The following BDKRB2 variants were observed in gnomAD, a reference collection of about 807,000 sequenced individuals.
The protein encoded by BDKRB2 is B2 bradykinin receptor.
BDKRB2 carries 6 observed loss-of-function variants against 4.0 expected under a neutral mutation model. The observed-to-expected ratio is 1.49, with a 90% CI of 0.81 to 2.93. The LOEUF (loss-of-function observed/expected upper bound fraction) is 2.93. Among genes scored for constraint, BDKRB2 ranks in the 30% most tolerant of loss-of-function variants. BDKRB2 has a pLI of 0.00. For synonymous variants in BDKRB2, 225 were observed against 215.3 expected (o/e 1.05, Z -0.40); for missense variants, 478 against 520.1 (o/e 0.92, Z 0.79).
chr14:96,211,129 G>C (rs1482778300), intron 1 of BDKRB2: 1 of 152,214 alleles, frequency 6.6e-6, no homozygotes, highest in Non-Finnish European at 1.5e-5. Context: ...AAACATTTCG[G>C]GAAGCATCAG....
chr14:96,220,263 G>A (rs1050779894), intron 1 of BDKRB2, among the ~76,000 whole-genome samples: 1 of 151,816 alleles, frequency 6.6e-6, no homozygotes, highest in Admixed American at 6.6e-5. Context: ...AATGCCGGGG[G>A]TATTTATTTT....
chr14:96,224,504 A>G (rs753616080), intron 1 of BDKRB2, among the ~76,000 whole-genome samples: 7 of 152,212 alleles, frequency 4.6e-5, no homozygotes, highest in Non-Finnish European at 8.8e-5. Context: ...CACTTTGCAC[A>G]TTGTCACGGT....
intron 1 of BDKRB2, among the ~76,000 whole-genome samples, chr14:96,225,348 C>T (rs1890669935): frequency 6.6e-6 from 1 of 152,128 alleles, no homozygotes; most frequent in Non-Finnish European, 1.5e-5. Context: ...GCTATAGAGT[C>T]TCAGACTAGG....
At chr14:96,236,769 C>T (rs1890943926) in intron 1 of BDKRB2, among the ~76,000 whole-genome samples, 1 of 152,230 alleles carries the variant, frequency 6.6e-6, no homozygotes, top group African/African-American at 2.4e-5. Flanking sequence ...CAATAATCCA[C>T]TCGCCCTCAC....
At chr14:96,234,873 T>G (rs1890896564) in intron 1 of BDKRB2, among the ~76,000 whole-genome samples, 1 of 152,160 alleles carries the variant, frequency 6.6e-6, no homozygotes, top group South Asian at 2.1e-4. Flanking sequence ...AGGACCTGAC[T>G]TATCTGTGCG....
intron 1 of BDKRB2, among the ~76,000 whole-genome samples, chr14:96,218,622 A>G (rs4905467): frequency 0.29 from 44,787 of 152,156 alleles, 6,802 homozygotes; most frequent in South Asian, 0.44. Flanking sequence ...ATAAGGACAT[A>G]AAAACCCATC....
intron 2 of BDKRB2, chr14:96,237,573 C>G (rs1890965675): frequency 8.9e-7 from 1 of 1,119,414 alleles, no homozygotes; most frequent in Non-Finnish European, 1.1e-6. Context: ...GAGATCAGAA[C>G]ACCCTAAAGA....
At position 96,224,147 on chromosome 14, in the gene BDKRB2, G is replaced by T. The variant is rs569240739; in HGVS notation, c.-39-12922G>T. On this transcript the variant is annotated intron_variant, in intron 1 of 2. Coordinates refer to ENST00000554311, the MANE Select transcript of BDKRB2 (RefSeq NM_001379692.1). Reference sequence around the variant, plus strand: ...GATTTACTGCAAATATTACAGGAGGGGTAAGGTAGGTTTGGGCATAGAGAA... The same window carrying T: ...GATTTACTGCAAATATTACAGGAGGTGTAAGGTAGGTTTGGGCATAGAGAA... Among the ~76,000 whole-genome samples, 3 of 151,332 alleles carry T rather than the reference G, an allele frequency of 2.0e-5. 1 individual carries two copies. Among genetic ancestry groups the T allele is most frequent in the African/African-American group, 7.4e-5 (3 of 40,656 alleles).
At chr14:96,237,701 T>G (rs1046400784) in intron 2 of BDKRB2, 127 of 1,288,940 alleles carry the variant, frequency 9.9e-5, no homozygotes, top group Non-Finnish European at 1.1e-4. Flanking sequence ...CTCCAACCTC[T>G]CCACCCTGCT....
At chr14:96,231,267 C>T (rs1178851316) in intron 1 of BDKRB2, among the ~76,000 whole-genome samples, 1 of 152,270 alleles carries the variant, frequency 6.6e-6, no homozygotes, top group East Asian at 1.9e-4. Context: ...TGTCCAAATG[C>T]TGGAAGGACT....
At chr14:96,237,721 G>A (rs1890970722) in intron 2 of BDKRB2, 1 of 1,289,472 alleles carries the variant, frequency 7.8e-7, no homozygotes, top group East Asian at 5.6e-5. Context: ...TGCAGGTGCT[G>A]CCTATGATGA....
intron 1 of BDKRB2, among the ~76,000 whole-genome samples, chr14:96,208,419 C>A (rs1319920018): frequency 2.0e-5 from 3 of 152,176 alleles, no homozygotes. Flanking sequence ...AAACAGCTCT[C>A]GGTTCGAATT....
intron 1 of BDKRB2, among the ~76,000 whole-genome samples, chr14:96,224,462 A>T (rs1890650066): frequency 6.6e-6 from 1 of 152,206 alleles, no homozygotes; most frequent in African/African-American, 2.4e-5. Context: ...AAATATGGAA[A>T]CAATATAAAT....
intron 1 of BDKRB2, 149 bp from the exon 2 acceptor site, chr14:96,236,920 A>G: frequency 1.7e-6 from 1 of 594,770 alleles, no homozygotes; most frequent in Non-Finnish European, 3.0e-6. Flanking sequence ...TAGCCATTGT[A>G]TCCCTAGCAC....
At chr14:96,207,432 A>T (rs1040385467) in intron 1 of BDKRB2, among the ~76,000 whole-genome samples, 1 of 152,206 alleles carries the variant, frequency 6.6e-6, no homozygotes, top group African/African-American at 2.4e-5. Flanking sequence ...AAATAAAAAA[A>T]ATCAGTGGTT....
At chr14:96,216,038 A>G (rs954240997) in intron 1 of BDKRB2, among the ~76,000 whole-genome samples, 10 of 152,204 alleles carry the variant, frequency 6.6e-5, no homozygotes, top group Admixed American at 5.9e-4. Flanking sequence ...TCAGACTCAC[A>G]GGAGCCAAGC....
chr14:96,216,428 C>T lies in BDKRB2; in HGVS notation c.-40+11469C>T, dbSNP rs140340033. On this transcript the variant is annotated intron_variant, in intron 1 of 2. Coordinates refer to ENST00000554311, the MANE Select transcript of BDKRB2 (RefSeq NM_001379692.1). ...GGAGGGTCACTTGAGGCCAGGAGTT[C>T]GAGACAAGCCTGGGCAAGATCCCAT... Among the ~76,000 whole-genome samples, 17 of 151,826 alleles carry T rather than the reference C, an allele frequency of 1.1e-4. No homozygotes were observed. In the East Asian group the frequency reaches 3.1e-3, roughly 28 times the overall value.
rs1885317600 is a variant in BDKRB2, at chr14:96,242,378, G to A, written c.*874G>A. 6.6e-6 allele frequency: 1 copy of A among 152,214 alleles called. No homozygotes were observed. The highest frequency in any genetic ancestry group is 2.4e-5 in the African/African-American group (1 of 41,460). The allele number at this position is 152,214 out of a possible 1,614,324, so 9.4% of individuals were successfully genotyped here. A position where few individuals can be genotyped will look rare whatever the true frequency, so the allele number is the denominator to read the frequency against. On this transcript the variant is annotated 3_prime_UTR_variant, in exon 3 of 3. Transcript: ENST00000554311. ...TTCTGTAACATGAAGTCGTTGTGAGGGTTAAAGGCAGTAACAGGTATAAAG... is the reference window on the plus strand; with the variant it reads ...TTCTGTAACATGAAGTCGTTGTGAGAGTTAAAGGCAGTAACAGGTATAAAG...
chr14:96,231,439 G>A (rs917862579), intron 1 of BDKRB2, among the ~76,000 whole-genome samples: 1 of 152,192 alleles, frequency 6.6e-6, no homozygotes, highest in Admixed American at 6.5e-5. Flanking sequence ...ACCCTGCTGA[G>A]GGCCACGCAG....
Sources: allele counts gnomAD v4.1 joint callset (sites outside exome capture counted in the v4.1 genomes callset), GRCh38; gene constraint gnomAD v4.1.1; transcripts MANE v1.5; gene names NCBI Gene and HGNC (gene_info 2026-07-23, HGNC 2026-07-21).